Variants in GMDS observed in about 807,000 individuals in gnomAD.
The protein encoded by GMDS is GDP-mannose 4,6-dehydratase, also known as GDP-mannose 4,6 dehydratase.
Under a neutral mutation model 49.9 loss-of-function variants are expected in GMDS, and 20 were observed. The ratio of observed to expected loss-of-function variants is 0.40; its 90% CI spans 0.28 to 0.58. The LOEUF (loss-of-function observed/expected upper bound fraction) is 0.58. Ranked by LOEUF, GMDS falls within the 20% of genes least tolerant of loss-of-function variation. The probability of loss-of-function intolerance (pLI) is 0.42; values close to 1 mark genes in which losing one functional copy is unlikely to be tolerated. For missense variants in GMDS, 362 were observed against 481.4 expected (o/e 0.75, Z 2.32); for synonymous variants, 177 against 178.6 (o/e 0.99, Z 0.07).
intron 4 of GMDS, among the ~76,000 whole-genome samples, chr6:1,992,328 T>C (rs1445949970): frequency 3.3e-5 from 5 of 152,184 alleles, no homozygotes; most frequent in Admixed American, 6.5e-5. Context: ...TCGCTGTTCA[T>C]GGCCACCACC....
chr6:2,000,281 C>T (rs950343964), intron 4 of GMDS, among the ~76,000 whole-genome samples: 10 of 150,726 alleles, frequency 6.6e-5, no homozygotes, highest in Admixed American at 1.3e-4. Context: ...GTGATCCACC[C>T]GCCTTGGCCT....
At chr6:1,738,272 CTG>C (rs1767127351) in intron 8 of GMDS, among the ~76,000 whole-genome samples, 1 of 152,192 alleles carries the variant, frequency 6.6e-6, no homozygotes, top group African/African-American at 2.4e-5. Flanking sequence ...ATACAAATGA[CTG>C]TGTAAGAATT....
intron 7 of GMDS, among the ~76,000 whole-genome samples, chr6:1,873,903 TA>T (rs1758900643): frequency 6.6e-6 from 1 of 152,208 alleles, no homozygotes; most frequent in African/African-American, 2.4e-5. Context: ...CAAATCCTCT[TA>T]TACCACACAC....
intron 4 of GMDS, among the ~76,000 whole-genome samples, chr6:2,017,304 TTTTTA>T (rs1767962175): frequency 6.6e-6 from 1 of 151,150 alleles, no homozygotes; most frequent in Non-Finnish European, 1.5e-5. Flanking sequence ...CAGTTGATTC[TTTTTA>T]TTTTTTTTTT....
intron 7 of GMDS, among the ~76,000 whole-genome samples, chr6:1,815,019 C>G (rs1013591735): frequency 3.3e-5 from 5 of 152,146 alleles, no homozygotes; most frequent in Admixed American, 1.3e-4. Flanking sequence ...ATCATAAATT[C>G]TAAGACAAAA....
Position 1,746,765 on chromosome 6 carries a change from A to G in GMDS, c.772-4179T>C, listed in dbSNP as rs1462165315. ...CGCCCAGGCTGGAGTACAGTGGCAC[A>G]ATCTCGGCTCACTGCAACCTCCGCC... is the stretch of plus-strand genomic sequence containing the variant. On this transcript the variant is annotated intron_variant, in intron 7 of 10. Transcript: ENST00000380815. Among the ~76,000 whole-genome samples the G allele has an allele frequency of 2.0e-5, 3 of 152,154 alleles. No individual in the cohort carries two copies. In the East Asian group the frequency reaches 5.8e-4, roughly 29 times the overall value.
chr6:1,946,647 G>T (rs1763086480), intron 6 of GMDS, among the ~76,000 whole-genome samples: 1 of 152,140 alleles, frequency 6.6e-6, no homozygotes, highest in Non-Finnish European at 1.5e-5. Flanking sequence ...TTAGAATTCA[G>T]CCAAAGAAAG....
rs776181075 is a variant in GMDS, at chr6:2,194,434, C to T, written c.102+50887G>A. 1.2e-3 allele frequency among the ~76,000 whole-genome samples: 186 copies of T among 152,294 alleles called. 1 individual carries two copies. The highest frequency in any genetic ancestry group is 2.2e-3 in the Non-Finnish European group (148 of 68,028). On this transcript the variant is annotated intron_variant, in intron 1 of 10. Transcript: ENST00000380815. ...TCATGGAATATATTTTAAACATACA[C>T]ACATACATATATAGTTGTTTAAACC... is the stretch of plus-strand genomic sequence containing the variant.
chr6:1,983,489 G>C (rs928634788), intron 4 of GMDS, among the ~76,000 whole-genome samples: 1 of 152,028 alleles, frequency 6.6e-6, no homozygotes, highest in Non-Finnish European at 1.5e-5. Context: ...ATCTGACAAA[G>C]GTCTAACATC....
intron 7 of GMDS, among the ~76,000 whole-genome samples, chr6:1,777,396 C>T (rs1043545206): frequency 1.3e-5 from 2 of 152,156 alleles, no homozygotes; most frequent in African/African-American, 4.8e-5. Context: ...AACTAATCTG[C>T]TTATATTTTT....
chr6:2,144,726 C>T (rs1241660375), intron 1 of GMDS, among the ~76,000 whole-genome samples: 1 of 152,182 alleles, frequency 6.6e-6, no homozygotes, highest in Non-Finnish European at 1.5e-5. Context: ...GATGTCAAAA[C>T]ATCATAATAT....
rs529413069 is a variant in GMDS at position 2,157,526 on chromosome 6, C to T, written c.103-32795G>A. On this transcript the variant is annotated intron_variant, in intron 1 of 10. Transcript: ENST00000380815. ...CCTGAGTAGAAAAGATGACCCATCC[C>T]TATGGCTAATCTCAGCATCCAGATG... Among the ~76,000 whole-genome samples, 6 of 152,312 alleles carry T rather than the reference C, an allele frequency of 3.9e-5. No homozygotes were observed. In the South Asian group the frequency reaches 1.2e-3, roughly 32 times the overall value.
intron 7 of GMDS, among the ~76,000 whole-genome samples, chr6:1,805,977 T>A (rs982409666): frequency 6.6e-6 from 1 of 152,178 alleles, no homozygotes; most frequent in African/African-American, 2.4e-5. Context: ...TTGTGGTAAG[T>A]ATATAAAAAT....
intron 4 of GMDS, among the ~76,000 whole-genome samples, chr6:2,088,556 G>C (rs74512023): frequency 0.017 from 2,549 of 152,180 alleles, 53 homozygotes; most frequent in South Asian, 0.12. Flanking sequence ...ATAGTTTCCT[G>C]ATCTCTCTTT....
intron 1 of GMDS, among the ~76,000 whole-genome samples, chr6:2,156,153 T>C (rs1777104141): frequency 6.6e-6 from 1 of 152,150 alleles, no homozygotes; most frequent in African/African-American, 2.4e-5. Context: ...CACTTTCTGA[T>C]TCGGGGCTTA....
At chr6:2,103,148 G>C (rs773341002) in intron 4 of GMDS, among the ~76,000 whole-genome samples, 8 of 152,168 alleles carry the variant, frequency 5.3e-5, no homozygotes, top group Non-Finnish European at 1.0e-4. Context: ...AGCGTACGAT[G>C]CTGGAAACCA....
intron 7 of GMDS, among the ~76,000 whole-genome samples, chr6:1,871,354 G>T (rs867380361): frequency 5.3e-5 from 8 of 151,928 alleles, no homozygotes; most frequent in Non-Finnish European, 1.0e-4. Context: ...ATTAAATAGT[G>T]AAAGAACATT....
At chr6:2,055,037 AAAC>A (rs1487763576) in intron 4 of GMDS, among the ~76,000 whole-genome samples, 1 of 152,158 alleles carries the variant, frequency 6.6e-6, no homozygotes, top group Admixed American at 6.5e-5. Flanking sequence ...TTCTAAAACT[AAAC>A]AACATCATAC....
At chr6:1,898,924 T>C (rs761625892) in intron 7 of GMDS, among the ~76,000 whole-genome samples, 14 of 152,150 alleles carry the variant, frequency 9.2e-5, no homozygotes, top group Non-Finnish European at 1.6e-4. Flanking sequence ...AAGAACATCA[T>C]GGATTACACA....
Sources: gnomAD v4.1 joint callset for allele counts (sites outside exome capture counted in the v4.1 genomes callset) on GRCh38, gnomAD v4.1.1 for gene constraint, MANE v1.5 for transcripts, NCBI Gene and HGNC (gene_info 2026-07-23, HGNC 2026-07-21) for gene names.